KCNIP1: variants seen among roughly 807,000 people sequenced by gnomAD.
The protein encoded by KCNIP1 is potassium voltage-gated channel interacting protein 1.
Under a neutral mutation model 33.0 loss-of-function variants are expected in KCNIP1, and 18 were observed. The ratio of observed to expected loss-of-function variants is 0.55; its 90% CI spans 0.38 to 0.81. KCNIP1 has a LOEUF of 0.81. Ranked by LOEUF, KCNIP1 falls within the 30% of genes least tolerant of loss-of-function variation. The pLI is 0.00. For missense variants in KCNIP1, 238 were observed against 271.6 expected, an observed-to-expected ratio of 0.88 and a Z score of 0.87; for synonymous variants, 93 against 98.3, an observed-to-expected ratio of 0.95 and a Z score of 0.32.
rs1754719847 is a variant in KCNIP1 at position 170,394,960 on chromosome 5, G to A, written c.88+40996G>A. On this transcript the variant is annotated intron_variant, in intron 1 of 7. Coordinates refer to the KCNIP1 transcript ENST00000377360. ...TTGTTATGGCTGTGTAATATTCCAA[G>A]GTGTATACGTAGCACACTGTCTTTA... is the stretch of plus-strand genomic sequence containing the variant. 3.9e-5 allele frequency among the ~76,000 whole-genome samples: 6 copies of A among 152,186 alleles called. No homozygotes were observed. In the South Asian group the frequency reaches 1.2e-3, roughly 32 times the overall value.
At chr5:170,516,187 G>A (rs4867609) in intron 1 of KCNIP1, among the ~76,000 whole-genome samples, 14,909 of 152,078 alleles carry the variant, frequency 0.098, 813 homozygotes, top group East Asian at 0.24. Context: ...AGTAGGGATC[G>A]AGACTGTGCC....
At chr5:170,586,257 T>A (rs1390566518) in intron 1 of KCNIP1, among the ~76,000 whole-genome samples, 2 of 152,216 alleles carry the variant, frequency 1.3e-5, no homozygotes, top group African/African-American at 4.8e-5. Flanking sequence ...ATGACTGGCC[T>A]CTGCAATTCA....
intron 1 of KCNIP1, chr5:170,389,764 A>G (rs1281160391): frequency 6.6e-6 from 1 of 152,244 alleles, no homozygotes; most frequent in Admixed American, 6.5e-5. Context: ...TGGAGCAGCT[A>G]CAGCTCCCTG....
At chr5:170,715,072 T>G (rs909500290) in intron 1 of KCNIP1, among the ~76,000 whole-genome samples, 2 of 152,214 alleles carry the variant, frequency 1.3e-5, no homozygotes, top group African/African-American at 4.8e-5. Context: ...CATTTTTTAT[T>G]TTTTACACCT....
At chr5:170,693,209 C>CT (rs1267319879) in intron 1 of KCNIP1, among the ~76,000 whole-genome samples, 1 of 151,914 alleles carries the variant, frequency 6.6e-6, no homozygotes, top group Non-Finnish European at 1.5e-5. Context: ...GGTCAGTGTT[C>CT]TTTGTCCTCT....
chr5:170,593,017 A>G (rs1739369768), intron 1 of KCNIP1, among the ~76,000 whole-genome samples: 1 of 152,174 alleles, frequency 6.6e-6, no homozygotes, highest in Non-Finnish European at 1.5e-5. Flanking sequence ...ATGCTTCTAT[A>G]TGTGTAGATT....
chr5:170,620,478 T>A (rs1389780444), intron 1 of KCNIP1, among the ~76,000 whole-genome samples: 2 of 152,210 alleles, frequency 1.3e-5, no homozygotes, highest in Non-Finnish European at 2.9e-5. Context: ...CTGGGGCTGC[T>A]ACAGCCATTG....
intron 1 of KCNIP1, among the ~76,000 whole-genome samples, chr5:170,692,493 C>T (rs1762754038): frequency 1.3e-5 from 2 of 152,182 alleles, no homozygotes; most frequent in African/African-American, 4.8e-5. Flanking sequence ...GAGATTGCAA[C>T]AATACATTGC....
chr5:170,519,432 C>T (rs1346272117), intron 1 of KCNIP1, among the ~76,000 whole-genome samples: 1 of 152,120 alleles, frequency 6.6e-6, no homozygotes, highest in African/African-American at 2.4e-5. Context: ...GACCAAACAC[C>T]CTTGGATTTA....
chr5:170,572,035 T>C (rs1401428596), intron 1 of KCNIP1, among the ~76,000 whole-genome samples: 10 of 152,128 alleles, frequency 6.6e-5, no homozygotes, highest in African/African-American at 2.4e-4. Flanking sequence ...AGTAGTCTAC[T>C]TGTAGGAACA....
In KCNIP1 at chr5:170,357,235, T is replaced by C. The variant is rs1236313120; in HGVS notation, c.88+3271T>C. On this transcript the variant is annotated intron_variant, in intron 1 of 7. Transcript: ENST00000377360. ...GCACTGTGGCTCGGAAGCCTCGGACTGGGTCCCTCACCTCCCTGGCATTTA... is the reference window on the plus strand; with the variant it reads ...GCACTGTGGCTCGGAAGCCTCGGACCGGGTCCCTCACCTCCCTGGCATTTA... Among the ~76,000 whole-genome samples, 3 of 152,196 alleles carry C rather than the reference T, an allele frequency of 2.0e-5. No homozygotes were observed. The East Asian group carries it at 5.8e-4, about 29-fold the overall frequency.
intron 5 of KCNIP1, among the ~76,000 whole-genome samples, chr5:170,726,926 G>A (rs1168875238): frequency 6.9e-6 from 1 of 145,138 alleles, no homozygotes; most frequent in African/African-American, 2.6e-5. Context: ...AAGAAAAAAA[G>A]AAGAAGAAAA....
At chr5:170,654,492 G>A (rs529987160) in intron 1 of KCNIP1, among the ~76,000 whole-genome samples, 2 of 152,188 alleles carry the variant, frequency 1.3e-5, no homozygotes, top group South Asian at 4.2e-4. Context: ...GCTGAATCTG[G>A]GTCATTACAG....
intron 1 of KCNIP1, among the ~76,000 whole-genome samples, chr5:170,423,246 T>G (rs975117696): frequency 1.3e-5 from 2 of 151,744 alleles, no homozygotes; most frequent in Non-Finnish European, 2.9e-5. Flanking sequence ...GGATTTTTGG[T>G]CTTTTGACTC....
chr5:170,383,717 G>C lies in KCNIP1; in HGVS notation c.88+29753G>C, dbSNP rs753775843. ...TCCCGAGTGTCCTCCGTGTGGTACAGCACAGCCCACCTGCCGGCAGCTGAC... is the reference window on the plus strand; with the variant it reads ...TCCCGAGTGTCCTCCGTGTGGTACACCACAGCCCACCTGCCGGCAGCTGAC... On this transcript the variant is annotated intron_variant, in intron 1 of 7. Transcript: ENST00000377360. 3 of 1,614,050 alleles carry C rather than the reference G, an allele frequency of 1.9e-6. No homozygotes were observed. In the African/African-American group the frequency reaches 4.0e-5, roughly 22 times the overall value.
chr5:170,557,855 G>A (rs1358740765), intron 1 of KCNIP1, among the ~76,000 whole-genome samples: 3 of 152,204 alleles, frequency 2.0e-5, no homozygotes, highest in Non-Finnish European at 2.9e-5. Flanking sequence ...CTTACTTTGA[G>A]TTTTCTAGCA....
chr5:170,538,549 A>G (rs1227387106), intron 1 of KCNIP1, among the ~76,000 whole-genome samples: 1 of 151,812 alleles, frequency 6.6e-6, no homozygotes, highest in Non-Finnish European at 1.5e-5. Context: ...CCACACACAC[A>G]GTTGTTCCTC....
chr5:170,430,802 T>C (rs942081968), intron 1 of KCNIP1, among the ~76,000 whole-genome samples: 4 of 152,204 alleles, frequency 2.6e-5, no homozygotes, highest in Non-Finnish European at 5.9e-5. Context: ...AGCTGCAGCG[T>C]TGATTGTTGC....
chr5:170,513,926 G>A (rs1357632730), intron 1 of KCNIP1, among the ~76,000 whole-genome samples: 1 of 152,214 alleles, frequency 6.6e-6, no homozygotes, highest in Non-Finnish European at 1.5e-5. Flanking sequence ...TTTTGTAGGA[G>A]TCCTGTAATG....
Sources: allele counts gnomAD v4.1 joint callset (sites outside exome capture counted in the v4.1 genomes callset), GRCh38; gene constraint gnomAD v4.1.1; transcripts MANE v1.5; gene names NCBI Gene and HGNC (gene_info 2026-07-23, HGNC 2026-07-21).